Variants in GPC6 observed in about 807,000 individuals in gnomAD.
GPC6 encodes glypican 6.
A neutral mutation model predicts 55.2 loss-of-function variants in GPC6; 14 were observed. That is an observed-to-expected ratio of 0.25 (90% CI 0.17 to 0.40). GPC6 has a LOEUF of 0.40. GPC6 is among the 10% of genes least tolerant of loss of function. The pLI, the probability that GPC6 is intolerant of heterozygous loss-of-function variation, is 1.00. For synonymous variants in GPC6, 278 were observed against 259.6 expected (o/e 1.07, Z -0.68); for missense variants, 641 against 708.5 (o/e 0.90, Z 1.08).
At chr13:93,696,958 A>G (rs947650475) in intron 2 of GPC6, among the ~76,000 whole-genome samples, 6 of 151,998 alleles carry the variant, frequency 3.9e-5, no homozygotes, top group Admixed American at 1.3e-4. Context: ...TTAAAGCTGT[A>G]TTTCTTGAGT....
At chr13:93,866,858 CT>C (rs1184832856) in intron 3 of GPC6, among the ~76,000 whole-genome samples, 2 of 151,666 alleles carry the variant, frequency 1.3e-5, no homozygotes, top group Non-Finnish European at 3.0e-5. Context: ...ACATGTACCC[CT>C]GAACCTAAAA....
upstream of GPC6, among the ~76,000 whole-genome samples, chr13:93,222,535 C>G (rs1054402751): frequency 6.6e-6 from 1 of 152,200 alleles, no homozygotes; most frequent in African/African-American, 2.4e-5. Context: ...ATGTTTCTCT[C>G]AAAATTTCCA....
chr13:94,337,386 T>C (rs1877764715), intron 6 of GPC6, among the ~76,000 whole-genome samples: 1 of 152,180 alleles, frequency 6.6e-6, no homozygotes, highest in Non-Finnish European at 1.5e-5. Context: ...GAGTCAGGAC[T>C]TGGAGCTGCC....
At chr13:93,853,664 T>A (rs972320743) in intron 3 of GPC6, among the ~76,000 whole-genome samples, 5 of 151,704 alleles carry the variant, frequency 3.3e-5, no homozygotes, top group African/African-American at 1.2e-4. Context: ...ACTCACATGG[T>A]GGCAATAATT....
At chr13:93,428,500 T>C (rs149417859) in intron 1 of GPC6, among the ~76,000 whole-genome samples, 32 of 152,290 alleles carry the variant, frequency 2.1e-4, no homozygotes. Context: ...GTTGAAAATG[T>C]TCACTGCCTG....
intron 3 of GPC6, among the ~76,000 whole-genome samples, chr13:93,876,657 TCTCA>T (rs2140306051): frequency 6.6e-6 from 1 of 152,240 alleles, no homozygotes; most frequent in African/African-American, 2.4e-5. Flanking sequence ...AAAACACTTC[TCTCA>T]CTTTAGTCCA....
chr13:93,789,610 T>TACTAC lies in GPC6; in HGVS notation c.320-40543_320-40542insCTACA, dbSNP rs1178827836. On this transcript the variant is annotated intron_variant, in intron 2 of 8. Coordinates refer to ENST00000377047, the MANE Select transcript of GPC6 (RefSeq NM_005708.5). ...ATATATAATACTACATATATATATA[T>TACTAC]ATATATATATATATATATATATATA... is the stretch of plus-strand genomic sequence containing the variant. 3.9e-3 allele frequency among the ~76,000 whole-genome samples: 107 copies of TACTAC among 27,696 alleles called. 6 individuals are homozygous for TACTAC. The highest frequency in any genetic ancestry group is 0.013 in the South Asian group (10 of 758). 18.2% of individuals were successfully genotyped at this position (27,696 alleles called of 152,430 possible). A position where few individuals can be genotyped will look rare whatever the true frequency, so the allele number is the denominator to read the frequency against.
chr13:94,150,997 G>A (rs1009740276), intron 4 of GPC6, among the ~76,000 whole-genome samples: 9 of 151,764 alleles, frequency 5.9e-5, no homozygotes, highest in African/African-American at 2.2e-4. Flanking sequence ...TCTCCAGAAA[G>A]CTCTGAGCAT....
chr13:94,082,526 T>C (rs1285739631), intron 4 of GPC6, among the ~76,000 whole-genome samples: 4 of 152,150 alleles, frequency 2.6e-5, no homozygotes, highest in Non-Finnish European at 5.9e-5. Flanking sequence ...TCTCTAAACT[T>C]AACCAACGCT....
At chr13:94,153,718 G>A (rs1887826897) in intron 4 of GPC6, among the ~76,000 whole-genome samples, 1 of 152,202 alleles carries the variant, frequency 6.6e-6, no homozygotes. Context: ...GCCACTCAAA[G>A]TGTGGCCCAC....
intron 4 of GPC6, among the ~76,000 whole-genome samples, chr13:94,065,764 CTG>C (rs1030690935): frequency 1.3e-5 from 2 of 152,162 alleles, no homozygotes; most frequent in African/African-American, 4.8e-5. Flanking sequence ...CCATCTTTCT[CTG>C]TATAATTAAG....
At chr13:94,170,732 G>C (rs1011243894) in intron 4 of GPC6, among the ~76,000 whole-genome samples, 4 of 152,200 alleles carry the variant, frequency 2.6e-5, no homozygotes, top group African/African-American at 9.6e-5. Flanking sequence ...AAGAGAATGG[G>C]AATAAAGCCA....
intron 2 of GPC6, among the ~76,000 whole-genome samples, chr13:93,800,752 TG>T (rs1186296432): frequency 6.6e-6 from 1 of 152,182 alleles, no homozygotes; most frequent in Non-Finnish European, 1.5e-5. Context: ...TAAAGAAAAT[TG>T]AATTCAAAAT....
At chr13:93,434,927 G>A (rs368477014) in intron 1 of GPC6, among the ~76,000 whole-genome samples, 1 of 152,026 alleles carries the variant, frequency 6.6e-6, no homozygotes, top group Admixed American at 6.6e-5. Flanking sequence ...GGATGGTCTC[G>A]ATCTCTTAAC....
chr13:93,496,930 T>C (rs1426927408), intron 1 of GPC6, among the ~76,000 whole-genome samples: 1 of 152,216 alleles, frequency 6.6e-6, no homozygotes, highest in Admixed American at 6.5e-5. Context: ...ATTTATAATT[T>C]TTTTTCCTTC....
At chr13:93,624,973 T>C (rs977301062) in intron 2 of GPC6, among the ~76,000 whole-genome samples, 3 of 152,216 alleles carry the variant, frequency 2.0e-5, no homozygotes, top group Non-Finnish European at 2.9e-5. Context: ...AAGTGGTTTC[T>C]GGCAAATTGT....
intron 4 of GPC6, among the ~76,000 whole-genome samples, chr13:94,046,511 G>C (rs76696514): frequency 6.6e-6 from 1 of 151,908 alleles, no homozygotes; most frequent in Admixed American, 6.6e-5. Flanking sequence ...GAACAGAGCC[G>C]GGAAAATCTA....
rs1406865624 is a variant in GPC6, at chr13:93,426,777, G to A, written c.161-118486G>A. Among the ~76,000 whole-genome samples the A allele has an allele frequency of 2.0e-5, 3 of 151,936 alleles. No homozygotes were observed. The South Asian group carries it at 6.2e-4, about 32-fold the overall frequency. On this transcript the variant is annotated intron_variant, in intron 1 of 8. Coordinates refer to ENST00000377047, the MANE Select transcript of GPC6 (RefSeq NM_005708.5). ...CAGTAATGGGATGGCTGAGTCAAAT[G>A]GTATTTCTAGTTCTAGATCCCTGAG...
At chr13:93,255,894 G>T (rs772932388) in intron 1 of GPC6, among the ~76,000 whole-genome samples, 1 of 151,982 alleles carries the variant, frequency 6.6e-6, no homozygotes, top group Non-Finnish European at 1.5e-5. Flanking sequence ...AGCATTTTGG[G>T]AGGCCAAAGT....
Sources: allele counts gnomAD v4.1 joint callset (sites outside exome capture counted in the v4.1 genomes callset), GRCh38; gene constraint gnomAD v4.1.1; transcripts MANE v1.5; gene names NCBI Gene and HGNC (gene_info 2026-07-23, HGNC 2026-07-21).